Variants in ANKRD50 observed in about 807,000 individuals in gnomAD.
ANKRD50 encodes the protein ankyrin repeat domain 50.
ANKRD50 carries 40 observed loss-of-function variants against 112.0 expected under a neutral mutation model. The ratio of observed to expected loss-of-function variants is 0.36; its 90% CI spans 0.28 to 0.46. The LOEUF is 0.46. Ranked by LOEUF, ANKRD50 falls within the 20% of genes least tolerant of loss-of-function variation. ANKRD50 has a pLI of 1.00. For missense variants in ANKRD50, 1,487 were observed against 1,701.7 expected, an observed-to-expected ratio of 0.87 and a Z score of 2.22; for synonymous variants, 613 against 619.1, an observed-to-expected ratio of 0.99 and a Z score of 0.15.
intron 2 of ANKRD50, among the ~76,000 whole-genome samples, chr4:124,706,714 T>A (rs1725510866): frequency 6.6e-6 from 1 of 152,012 alleles, no homozygotes; most frequent in Non-Finnish European, 1.5e-5. Flanking sequence ...CCCTGATAAA[T>A]CCATTATATG....
At chr4:124,698,086 G>A (rs1386675053) in intron 2 of ANKRD50, among the ~76,000 whole-genome samples, 4 of 152,062 alleles carry the variant, frequency 2.6e-5, no homozygotes, top group South Asian at 2.1e-4. Context: ...TAGGCTGGGG[G>A]AGTGTTTTAA....
At position 124,670,969 on chromosome 4, in the gene ANKRD50, C is replaced by G. The variant is rs1422176902; in HGVS notation, c.2308G>C (p.Gly770Arg). Residue 770 changes from glycine (G) to arginine (R), a missense_variant, in exon 4 of 5, where the codon GGG becomes CGG. By Grantham distance (125) the Gly-to-Arg change is moderately radical. Coordinates refer to ENST00000504087, the MANE Select transcript of ANKRD50 (RefSeq NM_020337.3). Reference protein sequence around the residue: ...HVDVVDLLLEGGADVDHTDNN... With the variant: ...HVDVVDLLLERGADVDHTDNN... ...TCTGTGTGATCTACATCTGCTCCCC[C>G]TTCTAGAAGCAAGTCAACCACATCA... 1 of 1,613,728 alleles carries G rather than the reference C, an allele frequency of 6.2e-7. No homozygotes were observed. The highest frequency in any genetic ancestry group is 8.5e-7 in the Non-Finnish European group (1 of 1,179,874).
In ANKRD50 at chr4:124,671,275, C is replaced by T. The variant is rs753155406; in HGVS notation, c.2002G>A (p.Ala668Thr). 26 of 1,613,682 alleles carry T rather than the reference C, an allele frequency of 1.6e-5. No individual in the cohort carries two copies. The highest frequency in any genetic ancestry group is 2.2e-5 in the East Asian group (1 of 44,852). The change falls in exon 4 of 5, where the codon GCT becomes ACT. Residue 668 changes from alanine (A) to threonine (T), a missense_variant. Coordinates refer to ENST00000504087, the MANE Select transcript of ANKRD50 (RefSeq NM_020337.3). ...TCATTATCAGCTTTGTTCACTTCAG[C>T]GCCATGTTGTAGCAAATTCAGTACA... The part of the protein sequence containing the change: ...DIVLNLLQHG[A>T]EVNKADNEGR...
intron 2 of ANKRD50, among the ~76,000 whole-genome samples, chr4:124,694,742 T>A (rs6849813): frequency 0.18 from 27,390 of 152,046 alleles, 2,567 homozygotes; most frequent in South Asian, 0.24. Flanking sequence ...ATCGTTAGTA[T>A]CAGCTTGGAG....
intron 4 of ANKRD50, among the ~76,000 whole-genome samples, chr4:124,668,714 T>C (rs1730554509): frequency 6.6e-6 from 1 of 152,132 alleles, no homozygotes; most frequent in Admixed American, 6.6e-5. Flanking sequence ...ACAAAGGTTG[T>C]ATTTTTAGTT....
chr4:124,690,366 T>A (rs555338453), intron 2 of ANKRD50, among the ~76,000 whole-genome samples: 3 of 152,246 alleles, frequency 2.0e-5, no homozygotes, highest in Non-Finnish European at 4.4e-5. Flanking sequence ...AACTGATCTT[T>A]TCTTAAGATT....
In ANKRD50 at chr4:124,671,098, G is replaced by C; in HGVS notation, c.2179C>G (p.His727Asp). ...AALCVPASKG[H>D]ASVVSLLIDR... ...ATTAAAAGGCTAACAACTGATGCGT[G>C]CCCTTTACTTGCAGGCACACAAAGT... is the stretch of plus-strand genomic sequence containing the variant. Residue 727 changes from histidine (H) to aspartate (D), a missense_variant, in exon 4 of 5, where the codon CAC becomes GAC. Around this residue, in one of 2 missense-constraint regions of ANKRD50, gnomAD observed 1,046 missense variants for 1,269.5 expected, o/e 0.82. Transcript: ENST00000504087. 1.2e-6 allele frequency: 2 copies of C among 1,613,748 alleles called. No homozygotes were observed. Among genetic ancestry groups the C allele is most frequent in the Non-Finnish European group, 1.7e-6 (2 of 1,179,840 alleles).
chr4:124,684,405 G>A (rs1001277125), intron 2 of ANKRD50, among the ~76,000 whole-genome samples: 58 of 152,160 alleles, frequency 3.8e-4, no homozygotes, highest in Middle Eastern at 3.4e-3. Context: ...TACACAACCC[G>A]TAGAGTTTAC....
At chr4:124,696,869 T>C (rs772666641) in intron 2 of ANKRD50, among the ~76,000 whole-genome samples, 2 of 152,192 alleles carry the variant, frequency 1.3e-5, no homozygotes, top group African/African-American at 2.4e-5. Context: ...ATAACTGACA[T>C]AAAAATTATT....
intron 2 of ANKRD50, among the ~76,000 whole-genome samples, chr4:124,683,612 C>A (rs1724940375): frequency 6.6e-6 from 1 of 151,512 alleles, no homozygotes; most frequent in South Asian, 2.1e-4. Flanking sequence ...AATCATATTT[C>A]TTTTTCTTTA....
intron 2 of ANKRD50, among the ~76,000 whole-genome samples, chr4:124,702,119 G>A (rs1228046146): frequency 6.6e-6 from 1 of 152,146 alleles, no homozygotes; most frequent in African/African-American, 2.4e-5. Flanking sequence ...AGCATAATGC[G>A]CTCTGTGAGG....
chr4:124,671,726 T>C lies in ANKRD50; in HGVS notation c.1551A>G (p.Ile517Met), dbSNP rs760187703. The stretch of plus-strand genomic sequence containing the variant: ...CCTCTCTTTCTAAGGCTTGTCGAAC[T>C]ATGCATGATGTGCGATCGTCTTCAC... ...VNSEDDRTSCIVRQALEREDS... is the reference protein window; with the variant it reads ...VNSEDDRTSCMVRQALEREDS... The change falls in exon 4 of 5, where the codon ATA becomes ATG. Residue 517 changes from isoleucine to methionine, a missense_variant. Ile to Met is a conservative substitution (Grantham distance 10). This residue lies in a region of ANKRD50 where 1,046 missense variants were observed against 1,269.5 expected (regional missense o/e 0.82). Coordinates refer to ENST00000504087, the MANE Select transcript of ANKRD50 (RefSeq NM_020337.3). 3 of 1,613,926 alleles carry C rather than the reference T, an allele frequency of 1.9e-6. No homozygotes were observed. The highest frequency in any genetic ancestry group is 2.5e-6 in the Non-Finnish European group (3 of 1,179,866).
chr4:124,707,224 T>G (rs921495216), intron 2 of ANKRD50, among the ~76,000 whole-genome samples: 2 of 152,078 alleles, frequency 1.3e-5, no homozygotes, highest in Non-Finnish European at 2.9e-5. Context: ...CTCAAAATAT[T>G]GTAACTCTTT....
At chr4:124,681,927 A>G (rs1374899095) in intron 2 of ANKRD50, among the ~76,000 whole-genome samples, 1 of 152,226 alleles carries the variant, frequency 6.6e-6, no homozygotes, top group Non-Finnish European at 1.5e-5. Context: ...CCAGTTATCT[A>G]TATCTGTATT....
intron 2 of ANKRD50, among the ~76,000 whole-genome samples, chr4:124,702,908 A>C (rs1725421399): frequency 6.6e-6 from 1 of 152,168 alleles, no homozygotes; most frequent in Non-Finnish European, 1.5e-5. Flanking sequence ...AAATGCTTCA[A>C]GAGAAGTTAG....
Position 124,710,289 on chromosome 4 carries a change from A to G in ANKRD50, c.223T>C (p.Leu75=), listed in dbSNP as rs1286714414. 2 of 1,614,042 alleles carry G rather than the reference A, an allele frequency of 1.2e-6. No individual in the cohort carries two copies. The highest frequency in any genetic ancestry group is 1.3e-5 in the African/African-American group (1 of 74,904). The stretch of plus-strand genomic sequence containing the variant: ...TTGCCACTGCCAGGCCCTCCTACCA[A>G]CAACACACCCCAGGCAGCTCCCTTT... The part of the protein sequence containing the change: ...SGKGAAWGVL[L]VGGPGSGKTA... The change falls in exon 2 of 5, where the codon TTG becomes CTG. Residue 75 remains leucine, a synonymous_variant. Transcript: ENST00000504087.
rs761116375 is a variant in ANKRD50 at position 124,678,792 on chromosome 4, C to T, written c.626G>A (p.Ser209Asn). The change falls in exon 3 of 5, where the codon AGC (serine) becomes AAC (asparagine). Residue 209 changes from serine (S) to asparagine (N), a missense_variant. By Grantham distance (46) the Ser-to-Asn change is conservative. Coordinates refer to ENST00000504087, the MANE Select transcript of ANKRD50 (RefSeq NM_020337.3). ...NITEGEQTST[S>N]LSGTVAALLA... is the part of the protein sequence containing the mutation. The stretch of plus-strand genomic sequence containing the variant: ...AAGTGCTGCAACAGTCCCAGATAAG[C>T]TGGTAGACGTTTGTTCACCTTCAGT... The T allele has an allele frequency of 1.2e-6, 2 of 1,613,846 alleles. No individual in the cohort carries two copies. The highest frequency in any genetic ancestry group is 1.1e-5 in the South Asian group (1 of 91,076).
chr4:124,665,358 A>G lies in ANKRD50; in HGVS notation c.*2160T>C, dbSNP rs1730462795. The G allele has an allele frequency of 6.6e-6, 1 of 152,392 alleles. No homozygotes were observed. Among genetic ancestry groups the G allele is most frequent in the Non-Finnish European group, 1.5e-5 (1 of 67,874 alleles). 9.4% of individuals were successfully genotyped at this position (152,392 alleles called of 1,614,324 possible). A position where few individuals can be genotyped will look rare whatever the true frequency, so the allele number is the denominator to read the frequency against. ...GATATGAAAACAGTTAGCTCTTTGAAAAACATAAATCCCTTATGCAATGTC... is the reference window on the plus strand; with the variant it reads ...GATATGAAAACAGTTAGCTCTTTGAGAAACATAAATCCCTTATGCAATGTC... On this transcript the variant is annotated 3_prime_UTR_variant, in exon 5 of 5. Transcript: ENST00000504087.
At chr4:124,709,845 T>C (rs1225710888) in intron 2 of ANKRD50, among the ~76,000 whole-genome samples, 155 bp downstream of exon 2, 1 of 152,208 alleles carries the variant, frequency 6.6e-6, no homozygotes, top group Non-Finnish European at 1.5e-5. Context: ...CTTCCTTTGA[T>C]ATTCAAAGTA....
Sources: gnomAD v4.1 joint callset for allele counts (sites outside exome capture counted in the v4.1 genomes callset) on GRCh38, gnomAD v4.1.1 for gene constraint, gnomAD v4.1.1 regional missense constraint, MANE v1.5 for transcripts, NCBI Gene and HGNC (gene_info 2026-07-23, HGNC 2026-07-21) for gene names.